RBFOX1: variants seen among roughly 807,000 people sequenced by gnomAD.
RBFOX1 encodes RNA binding fox-1 homolog 1.
Under a neutral mutation model 57.7 loss-of-function variants are expected in RBFOX1, and 8 were observed. The ratio of observed to expected loss-of-function variants is 0.14; its 90% CI spans 0.08 to 0.25. The LOEUF is 0.25. Among genes scored for constraint, RBFOX1 ranks in the 10% least tolerant of loss-of-function variants. The pLI, the probability that RBFOX1 is intolerant of heterozygous loss-of-function variation, is 1.00. For missense variants in RBFOX1, 611 were observed against 548.5 expected (o/e 1.11, Z -1.14); for synonymous variants, 326 against 222.4 (o/e 1.47, Z -4.15).
rs1457078315 is a variant in RBFOX1, at chr16:5,355,765, G to C, written c.220-111451G>C. On this transcript the variant is annotated intron_variant, in intron 1 of 2. Coordinates refer to the RBFOX1 transcript ENST00000585867. ...AGGATGAGATGGTCCTGGATTTAGGGTAAGCCCTAATCCAACATCTAGTGT... is the reference window on the plus strand; with the variant it reads ...AGGATGAGATGGTCCTGGATTTAGGCTAAGCCCTAATCCAACATCTAGTGT... Among the ~76,000 whole-genome samples, 3 of 152,096 alleles carry C rather than the reference G, an allele frequency of 2.0e-5. No homozygotes were observed. The East Asian group carries it at 5.8e-4, about 29-fold the overall frequency.
intron 3 of RBFOX1, among the ~76,000 whole-genome samples, chr16:5,857,880 G>A (rs1190169880): frequency 2.0e-5 from 3 of 152,154 alleles, no homozygotes; most frequent in African/African-American, 4.8e-5. Context: ...CTGGGAGGCA[G>A]CGGTTGCAGT....
chr16:5,928,203 C>T (rs2058975190), intron 4 of RBFOX1, among the ~76,000 whole-genome samples: 1 of 151,974 alleles, frequency 6.6e-6, no homozygotes, highest in African/African-American at 2.4e-5. Flanking sequence ...AAGTGGTGTT[C>T]CTGCCTCAGC....
chr16:5,704,335 A>G (rs1459731410), intron 3 of RBFOX1, among the ~76,000 whole-genome samples: 3 of 151,510 alleles, frequency 2.0e-5, no homozygotes, highest in African/African-American at 7.3e-5. Flanking sequence ...GAAATTAAGT[A>G]CTCTCTGCTT....
intron 2 of RBFOX1, among the ~76,000 whole-genome samples, chr16:6,571,016 G>A (rs958621616): frequency 2.6e-5 from 4 of 152,132 alleles, no homozygotes; most frequent in African/African-American, 9.7e-5. Flanking sequence ...CTGTGGAACT[G>A]TTAAGGAGAA....
chr16:6,737,525 T>A (rs1198029793), intron 3 of RBFOX1, among the ~76,000 whole-genome samples: 1 of 152,216 alleles, frequency 6.6e-6, no homozygotes, highest in Non-Finnish European at 1.5e-5. Context: ...CTATGAACTT[T>A]CTGGAAGTCA....
At chr16:7,251,375 C>A (rs1380818051) in intron 4 of RBFOX1, among the ~76,000 whole-genome samples, 1 of 150,136 alleles carries the variant, frequency 6.7e-6, no homozygotes, top group Non-Finnish European at 1.5e-5. Flanking sequence ...GAATGACATT[C>A]CATTGTAGAT....
At chr16:6,065,181 C>T (rs2095744419) in intron 1 of RBFOX1, among the ~76,000 whole-genome samples, 1 of 147,850 alleles carries the variant, frequency 6.8e-6, no homozygotes, top group Non-Finnish European at 1.5e-5. Context: ...GTGTGTGCCA[C>T]CATCACCGGC....
At chr16:5,897,062 T>C (rs1008953068) in intron 4 of RBFOX1, among the ~76,000 whole-genome samples, 3 of 117,476 alleles carry the variant, frequency 2.6e-5, no homozygotes, top group Non-Finnish European at 4.9e-5. Flanking sequence ...GGAGTCTCGC[T>C]CTGTCGCCCA....
chr16:6,168,987 A>G (rs529656827), intron 1 of RBFOX1, among the ~76,000 whole-genome samples: 1 of 152,202 alleles, frequency 6.6e-6, no homozygotes, highest in East Asian at 1.9e-4. Context: ...TACAGCATGA[A>G]TTTAGAGTTG....
chr16:6,700,413 T>C (rs1188866677), intron 3 of RBFOX1, among the ~76,000 whole-genome samples: 2 of 151,778 alleles, frequency 1.3e-5, no homozygotes, highest in African/African-American at 4.8e-5. Flanking sequence ...ATCTCAGCAC[T>C]TTGGGAGGCC....
chr16:6,435,995 T>C (rs2094222724), intron 2 of RBFOX1, among the ~76,000 whole-genome samples: 2 of 152,128 alleles, frequency 1.3e-5, no homozygotes, highest in South Asian at 4.1e-4. Context: ...TGGAGGTCAT[T>C]CTCTTGGGGC....
At chr16:7,276,711 A>G (rs943387040) in intron 4 of RBFOX1, among the ~76,000 whole-genome samples, 50 of 152,154 alleles carry the variant, frequency 3.3e-4, no homozygotes, top group African/African-American at 1.2e-3. Flanking sequence ...TAATGATTTG[A>G]TCGTGTTGAG....
chr16:6,779,955 TTATATATTTA>T (rs2080286088), intron 3 of RBFOX1, among the ~76,000 whole-genome samples: 1 of 15,860 alleles, frequency 6.3e-5, no homozygotes, highest in Non-Finnish European at 9.1e-5. Context: ...ATTTATATAT[TTATATATTTA>T]TATATATTTA....
At chr16:7,033,032 G>T (rs1245210806) in intron 3 of RBFOX1, among the ~76,000 whole-genome samples, 1 of 152,188 alleles carries the variant, frequency 6.6e-6, no homozygotes, top group Non-Finnish European at 1.5e-5. Flanking sequence ...CACCTACTGT[G>T]TAGAGACTGT....
In RBFOX1 at chr16:7,709,110, C is replaced by A. The variant is rs141919506; in HGVS notation, c.1050C>A (p.Pro350=). 4.0e-5 allele frequency: 65 copies of A among 1,613,674 alleles called. No homozygotes were observed. The highest frequency in any genetic ancestry group is 4.9e-5 in the Non-Finnish European group (58 of 1,179,790). Residue 350 remains proline, a synonymous_variant, in exon 15 of 16, where the codon CCC becomes CCA. Transcript: ENST00000550418. ...DPYHHALAPA[P]TYGVGAMNAF... is the part of the protein sequence containing the mutation. ...ACCACCACGCACTTGCTCCAGCCCCCACCTACGGCGTTGGTGCCATGGTGA... is the reference window on the plus strand; with the variant it reads ...ACCACCACGCACTTGCTCCAGCCCCAACCTACGGCGTTGGTGCCATGGTGA...
intron 14 of RBFOX1, among the ~76,000 whole-genome samples, chr16:7,702,809 A>T (rs2081201069): frequency 6.6e-6 from 1 of 152,240 alleles, no homozygotes; most frequent in African/African-American, 2.4e-5. Flanking sequence ...GATACCAGCA[A>T]CAATGCAAAC....
intron 3 of RBFOX1, among the ~76,000 whole-genome samples, chr16:6,963,488 T>C (rs2153553898): frequency 6.6e-6 from 1 of 152,266 alleles, no homozygotes; most frequent in African/African-American, 2.4e-5. Context: ...AGTAATGAGA[T>C]ACATGTTAGA....
chr16:5,318,411 A>G (rs914215588), intron 1 of RBFOX1, among the ~76,000 whole-genome samples: 9 of 152,034 alleles, frequency 5.9e-5, no homozygotes, highest in Non-Finnish European at 1.3e-4. Context: ...TTACAGGCAT[A>G]AGCCACCATG....
intron 3 of RBFOX1, among the ~76,000 whole-genome samples, chr16:6,951,838 A>T (rs1247520847): frequency 6.6e-6 from 1 of 152,056 alleles, no homozygotes; most frequent in Admixed American, 6.6e-5. Context: ...GGTTCAAGCG[A>T]TTCTCCTGCC....
Sources: gnomAD v4.1 joint callset for allele counts (sites outside exome capture counted in the v4.1 genomes callset) on GRCh38, gnomAD v4.1.1 for gene constraint, MANE v1.5 for transcripts, NCBI Gene and HGNC (gene_info 2026-07-23, HGNC 2026-07-21) for gene names.